Variants in SHISAL1 observed in about 807,000 individuals in gnomAD.
SHISAL1 encodes the protein shisa like 1.
In SHISAL1, 9 loss-of-function variants were observed where a neutral mutation model predicts 22.6. The ratio of observed to expected loss-of-function variants is 0.40; its 90% CI spans 0.24 to 0.70. The LOEUF (loss-of-function observed/expected upper bound fraction) is 0.70, where lower values mean the gene tolerates loss of function less well. SHISAL1 is among the 30% of genes least tolerant of loss of function. The pLI is 0.39. For synonymous variants in SHISAL1, 119 were observed against 115.4 expected (o/e 1.03, Z -0.20); for missense variants, 246 against 270.6 (o/e 0.91, Z 0.64).
the SHISAL1 span, among the ~76,000 whole-genome samples, chr22:44,321,350 C>G: frequency 1.3e-5 from 2 of 152,228 alleles, no homozygotes; most frequent in Non-Finnish European, 2.9e-5. Context: ...TTCCCAGGCT[C>G]TAGATGCATG....
intron 3 of SHISAL1, among the ~76,000 whole-genome samples, chr22:44,287,829 T>G (rs1011792174): frequency 3.7e-4 from 56 of 152,024 alleles, no homozygotes; most frequent in African/African-American, 1.3e-3. Context: ...TCCCAGGCCC[T>G]CCTGCTTTCC....
intron 4 of SHISAL1, among the ~76,000 whole-genome samples, chr22:44,263,079 CTTT>C (rs922017518): frequency 3.4e-5 from 3 of 88,250 alleles, no homozygotes; most frequent in African/African-American, 4.1e-5. Flanking sequence ...TTCTTTCTTT[CTTT>C]TTTTTTTTTT....
rs571656183 is a variant in SHISAL1, at chr22:44,270,332, A to C, written c.599+15096T>G. Among the ~76,000 whole-genome samples, 353 of 152,322 alleles carry C rather than the reference A, an allele frequency of 2.3e-3. 1 individual carries two copies. Among genetic ancestry groups the C allele is most frequent in the Non-Finnish European group, 4.1e-3 (277 of 68,032 alleles). The stretch of plus-strand genomic sequence containing the variant: ...AGGTAAGCGGCACTCCAGTAAGTGT[A>C]CACATTGATCAGGGGACACATCTGG... On this transcript the variant is annotated intron_variant, in intron 4 of 4. Transcript: ENST00000381176.
chr22:44,269,604 G>A (rs2055192170), intron 4 of SHISAL1, among the ~76,000 whole-genome samples: 1 of 137,844 alleles, frequency 7.3e-6, no homozygotes. Context: ...ACACACACAC[G>A]CCACACAGAC....
intron 4 of SHISAL1, among the ~76,000 whole-genome samples, chr22:44,278,060 G>C (rs2055252092): frequency 6.6e-6 from 1 of 152,178 alleles, no homozygotes; most frequent in Non-Finnish European, 1.5e-5. Context: ...GTCTGTGAAG[G>C]TGTTGCCAAA....
intron 1 of SHISAL1, among the ~76,000 whole-genome samples, chr22:44,301,914 A>T (rs887917897): frequency 1.3e-5 from 2 of 150,110 alleles, no homozygotes; most frequent in African/African-American, 4.9e-5. Context: ...GGCTTGGGGG[A>T]GGGGGATGGG....
intron 4 of SHISAL1, among the ~76,000 whole-genome samples, chr22:44,262,106 G>C (rs1468158933): frequency 4.6e-5 from 7 of 152,258 alleles, no homozygotes; most frequent in Non-Finnish European, 1.0e-4. Flanking sequence ...TGTCAGCGGC[G>C]AGTGTCTGGC....
In SHISAL1 at chr22:44,310,878, T is replaced by G. The variant is rs1035015086; in HGVS notation, c.-33+1873A>C. On this transcript the variant is annotated intron_variant, in intron 1 of 4. Transcript: ENST00000381176. The surrounding 1 kb of genome is among the most constrained non-coding windows in gnomAD (Gnocchi z 4.0). ...TCAAGGGTGGGAAATTTTGTGCCTC[T>G]GCATCGCCCCACCATGCTTTGCACA... 7.2e-5 allele frequency among the ~76,000 whole-genome samples: 11 copies of G among 152,262 alleles called. No homozygotes were observed. The highest frequency in any genetic ancestry group is 2.6e-4 in the African/African-American group (11 of 41,548).
intron 3 of SHISAL1, among the ~76,000 whole-genome samples, chr22:44,292,625 G>A (rs550268242): frequency 6.6e-6 from 1 of 152,294 alleles, no homozygotes; most frequent in East Asian, 1.9e-4. Context: ...CTGGGTCCCC[G>A]TGCACACAGA....
At chr22:44,319,886 C>G in the SHISAL1 span, among the ~76,000 whole-genome samples, 8 of 151,998 alleles carry the variant, frequency 5.3e-5, no homozygotes, top group African/African-American at 1.9e-4. Context: ...CCCTAAATGT[C>G]TCAGACCTAG....
chr22:44,296,643 T>G (rs1239740968), intron 3 of SHISAL1, 29 bp downstream of exon 3: 2 of 1,603,326 alleles, frequency 1.2e-6, no homozygotes, highest in Non-Finnish European at 1.7e-6. Flanking sequence ...CCCGAGGCAG[T>G]GGGGTTGCAC....
At chr22:44,314,438 G>T (rs2055544496), upstream of SHISAL1, among the ~76,000 whole-genome samples, 1 of 152,168 alleles carries the variant, frequency 6.6e-6, no homozygotes, top group Non-Finnish European at 1.5e-5. Flanking sequence ...CAGACCTCCT[G>T]TGCACCAGAT....
intron 3 of SHISAL1, among the ~76,000 whole-genome samples, chr22:44,291,270 T>C (rs1384169637): frequency 6.6e-6 from 1 of 152,216 alleles, no homozygotes; most frequent in Non-Finnish European, 1.5e-5. Flanking sequence ...ACCCAGAGTA[T>C]GAGCCAAAAG....
rs73432525 is a variant in SHISAL1 at position 44,294,256 on chromosome 22, C to T, written c.281+2416G>A. Among the ~76,000 whole-genome samples, 610 of 152,196 alleles carry T rather than the reference C, an allele frequency of 4.0e-3. 5 individuals are homozygous for T. The highest frequency in any genetic ancestry group is 0.014 in the African/African-American group (573 of 41,524). ...ATTATTCTAAGGGCTGAGCAGATGG[C>T]GAGAGATTCAAGGGAAGCACCCGTG... On this transcript the variant is annotated intron_variant, in intron 3 of 4. Coordinates refer to ENST00000381176, the MANE Select transcript of SHISAL1 (RefSeq NM_001099294.2).
the SHISAL1 span, among the ~76,000 whole-genome samples, chr22:44,326,056 T>TG: frequency 1.3e-5 from 2 of 151,718 alleles, no homozygotes; most frequent in Non-Finnish European, 2.9e-5. Context: ...CCCCAGAACT[T>TG]GGTAGACGCT....
At chr22:44,308,015 C>T (rs776771101) in intron 1 of SHISAL1, among the ~76,000 whole-genome samples, 3 of 152,168 alleles carry the variant, frequency 2.0e-5, no homozygotes, top group South Asian at 4.1e-4. Context: ...CGACCAAGCG[C>T]GACACCTCCA....
At chr22:44,291,286 C>T (rs534738472) in intron 3 of SHISAL1, among the ~76,000 whole-genome samples, 2 of 152,310 alleles carry the variant, frequency 1.3e-5, no homozygotes, top group South Asian at 4.1e-4. Context: ...AAAAGGAAGC[C>T]TTCGCTTCTC....
chr22:44,300,140 C>G (rs909695459), intron 2 of SHISAL1, among the ~76,000 whole-genome samples: 1 of 150,018 alleles, frequency 6.7e-6, no homozygotes, highest in African/African-American at 2.5e-5. Flanking sequence ...GACAGAGAGA[C>G]AGAAACAGAG....
the SHISAL1 span, among the ~76,000 whole-genome samples, chr22:44,329,236 G>T: frequency 6.6e-6 from 1 of 152,224 alleles, no homozygotes; most frequent in African/African-American, 2.4e-5. Flanking sequence ...TGAAGAAGGG[G>T]AGTGAAGGGA....
Sources: gnomAD v4.1 joint callset for allele counts (sites outside exome capture counted in the v4.1 genomes callset) on GRCh38, gnomAD v4.1.1 for gene constraint, Gnocchi (gnomAD v3.1) non-coding constraint, MANE v1.5 for transcripts, NCBI Gene and HGNC (gene_info 2026-07-23, HGNC 2026-07-21) for gene names.